Variants in BCKDHB observed in about 807,000 individuals in gnomAD.
BCKDHB encodes the protein 2-oxoisovalerate dehydrogenase subunit beta, mitochondrial.
In BCKDHB, 41 loss-of-function variants were observed where a neutral mutation model predicts 48.5. That is an observed-to-expected ratio of 0.85 (90% CI 0.66 to 1.10). The LOEUF (loss-of-function observed/expected upper bound fraction) is 1.10, where lower values mean the gene tolerates loss of function less well. Among genes scored for constraint, BCKDHB ranks in the 50% least tolerant of loss-of-function variants. The probability of loss-of-function intolerance (pLI) is 0.00; values close to 1 mark genes in which losing one functional copy is unlikely to be tolerated. For synonymous variants in BCKDHB, 201 were observed against 174.8 expected, an observed-to-expected ratio of 1.15 and a Z score of -1.18; for missense variants, 496 against 494.2, an observed-to-expected ratio of 1.00 and a Z score of -0.03.
At chr6:80,188,417 G>A (rs1385389552) in intron 6 of BCKDHB, among the ~76,000 whole-genome samples, 4 of 152,060 alleles carry the variant, frequency 2.6e-5, no homozygotes, top group African/African-American at 9.7e-5. Flanking sequence ...TTGGTGGATC[G>A]CTTGAGCCAA....
At chr6:80,439,208 T>G in the BCKDHB span, among the ~76,000 whole-genome samples, 1 of 152,164 alleles carries the variant, frequency 6.6e-6, no homozygotes, top group African/African-American at 2.4e-5. Flanking sequence ...GTTCAGAGGT[T>G]TCGACTCAAT....
chr6:80,123,952 T>C (rs1435902151), intron 1 of BCKDHB, among the ~76,000 whole-genome samples: 4 of 152,208 alleles, frequency 2.6e-5, no homozygotes, highest in African/African-American at 4.8e-5. Flanking sequence ...ATTTATTTGC[T>C]CTTGCTTCTC....
chr6:80,174,142 T>C (rs959775011), intron 6 of BCKDHB, among the ~76,000 whole-genome samples: 3 of 152,158 alleles, frequency 2.0e-5, no homozygotes, highest in African/African-American at 7.2e-5. Flanking sequence ...AAATTTCTTG[T>C]GTACATTTGG....
intron 8 of BCKDHB, among the ~76,000 whole-genome samples, chr6:80,239,363 A>AC (rs1776283544): frequency 1.3e-5 from 2 of 151,882 alleles, no homozygotes; most frequent in African/African-American, 4.8e-5. Flanking sequence ...GATGATGAGC[A>AC]TTTTTTTCAT....
intron 9 of BCKDHB, among the ~76,000 whole-genome samples, chr6:80,320,268 C>T (rs933604223): frequency 3.3e-5 from 5 of 152,158 alleles, no homozygotes; most frequent in Non-Finnish European, 7.3e-5. Context: ...TTGTGTTCCA[C>T]AGACGCAACA....
chr6:80,361,740 C>A, the BCKDHB span, among the ~76,000 whole-genome samples: 8 of 152,260 alleles, frequency 5.3e-5, no homozygotes, highest in Non-Finnish European at 7.4e-5. Context: ...AAAAATGGAG[C>A]CTCTGTTACA....
intron 9 of BCKDHB, chr6:80,307,719 A>C (rs1454643278): frequency 3.1e-6 from 3 of 977,324 alleles, no homozygotes; most frequent in African/African-American, 1.8e-5. Context: ...GTCCAGATTG[A>C]CTTTTGTTAG....
chr6:80,430,752 G>C, the BCKDHB span, among the ~76,000 whole-genome samples: 7 of 151,752 alleles, frequency 4.6e-5, no homozygotes, highest in Non-Finnish European at 1.0e-4. Flanking sequence ...CTATTTTGTT[G>C]ATCTTTTCCA....
In BCKDHB at chr6:80,171,324, T is replaced by C. The variant is rs1772903772; in HGVS notation, c.676T>C (p.Leu226=). Residue 226 remains leucine (L), a synonymous_variant, in exon 6 of 10, where the codon TTG becomes CTG. Coordinates refer to ENST00000320393, the MANE Select transcript of BCKDHB (RefSeq NM_183050.4). ...CCCTTTCCAGGCCAAAGGACTTCTTTTGTCATGCATAGAGGATAAAAATCC... is the reference window on the plus strand; with the variant it reads ...CCCTTTCCAGGCCAAAGGACTTCTTCTGTCATGCATAGAGGATAAAAATCC... ...RSPFQAKGLL[L]SCIEDKNPCI... 1 of 1,609,064 alleles carries C rather than the reference T, an allele frequency of 6.2e-7. No individual in the cohort carries two copies. The highest frequency in any genetic ancestry group is 1.3e-5 in the African/African-American group (1 of 74,802).
intron 9 of BCKDHB, among the ~76,000 whole-genome samples, chr6:80,331,402 A>G (rs1440127539): frequency 6.6e-6 from 1 of 152,240 alleles, no homozygotes; most frequent in Middle Eastern, 3.4e-3. Flanking sequence ...CCATTCCATA[A>G]ATGTGCTCTC....
At chr6:80,382,022 A>G in the BCKDHB span, among the ~76,000 whole-genome samples, 3 of 152,158 alleles carry the variant, frequency 2.0e-5, no homozygotes, top group Non-Finnish European at 2.9e-5. Context: ...GAGGTAGTAA[A>G]GAGCCTGTTT....
At chr6:80,353,558 T>C in the BCKDHB span, among the ~76,000 whole-genome samples, 2 of 151,802 alleles carry the variant, frequency 1.3e-5, no homozygotes, top group African/African-American at 4.8e-5. Flanking sequence ...TGTCTTTTAA[T>C]AATAGCTCTT....
chr6:80,188,229 G>A (rs956928421), intron 6 of BCKDHB, among the ~76,000 whole-genome samples: 3 of 152,084 alleles, frequency 2.0e-5, no homozygotes, highest in African/African-American at 7.2e-5. Flanking sequence ...TATAGCTGGA[G>A]GCCATTATCC....
chr6:80,430,071 T>C, the BCKDHB span, among the ~76,000 whole-genome samples: 3 of 152,238 alleles, frequency 2.0e-5, no homozygotes, highest in South Asian at 4.1e-4. Context: ...GTTTTTAGCA[T>C]GAAGGGCTGT....
At chr6:80,369,950 CTAAT>C in the BCKDHB span, among the ~76,000 whole-genome samples, 1 of 152,218 alleles carries the variant, frequency 6.6e-6, no homozygotes, top group East Asian at 1.9e-4. Context: ...TAGTAATCCT[CTAAT>C]TTTGAGTTTC....
intron 9 of BCKDHB, among the ~76,000 whole-genome samples, chr6:80,330,332 G>A (rs1246838805): frequency 6.6e-6 from 1 of 152,122 alleles, no homozygotes; most frequent in East Asian, 1.9e-4. Flanking sequence ...CTGTCTTGCT[G>A]ACATATATAT....
chr6:80,160,453 G>A (rs776286016), intron 3 of BCKDHB, among the ~76,000 whole-genome samples: 8 of 152,082 alleles, frequency 5.3e-5, no homozygotes, highest in Non-Finnish European at 1.2e-4. Flanking sequence ...CCATCACACC[G>A]GCTTCTTTTT....
the BCKDHB span, among the ~76,000 whole-genome samples, chr6:80,382,456 A>C: frequency 1.3e-5 from 2 of 152,134 alleles, no homozygotes; most frequent in African/African-American, 4.8e-5. Flanking sequence ...TTTATGCATA[A>C]ATTTTACTGA....
intron 3 of BCKDHB, among the ~76,000 whole-genome samples, chr6:80,131,321 C>T (rs528599082): frequency 6.6e-6 from 1 of 152,296 alleles, no homozygotes; most frequent in South Asian, 2.1e-4. Flanking sequence ...CAAATATATG[C>T]CTCCTAGTGC....
Sources: gnomAD v4.1 joint callset for allele counts (sites outside exome capture counted in the v4.1 genomes callset) on GRCh38, gnomAD v4.1.1 for gene constraint, MANE v1.5 for transcripts, NCBI Gene and HGNC (gene_info 2026-07-23, HGNC 2026-07-21) for gene names.